SCFD1: variants seen among roughly 807,000 people sequenced by gnomAD.
SCFD1 encodes the protein sec1 family domain containing 1.
SCFD1 carries 37 observed loss-of-function variants against 103.2 expected under a neutral mutation model. The observed-to-expected ratio is 0.36, with a 90% CI of 0.28 to 0.47. The LOEUF is 0.47. SCFD1 is among the 20% of genes least tolerant of loss of function. SCFD1 has a pLI of 1.00. For synonymous variants in SCFD1, 264 were observed against 245.0 expected (o/e 1.08, Z -0.73); for missense variants, 639 against 761.2 (o/e 0.84, Z 1.89).
intron 11 of SCFD1, among the ~76,000 whole-genome samples, chr14:30,671,611 A>C (rs1191310531): frequency 6.6e-6 from 1 of 152,164 alleles, no homozygotes; most frequent in African/African-American, 2.4e-5. Context: ...CTATTCATTA[A>C]GTAGGAATAG....
intron 1 of SCFD1, among the ~76,000 whole-genome samples, chr14:30,627,774 C>T (rs1461918765): frequency 2.2e-5 from 3 of 135,606 alleles, no homozygotes; most frequent in African/African-American, 8.3e-5. Context: ...AAAAGAAAGA[C>T]TGATCTTTCT....
At chr14:30,656,015 G>A (rs796721133) in intron 10 of SCFD1, among the ~76,000 whole-genome samples, 5 of 152,090 alleles carry the variant, frequency 3.3e-5, no homozygotes, top group African/African-American at 1.2e-4. Flanking sequence ...GGAGGCTTAG[G>A]TGGGAGGATC....
chr14:30,628,268 C>T lies in SCFD1; in HGVS notation c.121C>T (p.Pro41Ser). 1 of 1,607,140 alleles carries T rather than the reference C, an allele frequency of 6.2e-7. No individual in the cohort carries two copies. Reference sequence around the variant, plus strand: ...TCATATTAAAAACAGCACAGGAGAACCAGTATGGAAGGTAAGAGTTTATCT... The same window carrying T: ...TCATATTAAAAACAGCACAGGAGAATCAGTATGGAAGGTAAGAGTTTATCT... ...VPHIKNSTGE[P>S]VWKVLIYDRF... The change falls in exon 2 of 25, where the codon CCA becomes TCA. Residue 41 changes from proline (P) to serine (S), a missense_variant. Coordinates refer to ENST00000458591, the MANE Select transcript of SCFD1 (RefSeq NM_016106.4).
chr14:30,656,210 C>T (rs967363303), intron 10 of SCFD1, among the ~76,000 whole-genome samples: 3 of 152,190 alleles, frequency 2.0e-5, no homozygotes, highest in African/African-American at 7.2e-5. Context: ...AAGTCTGGTC[C>T]TCAGCCTCCC....
At chr14:30,649,432 A>C in intron 7 of SCFD1, 96 bp from the exon 8 acceptor site, 1 of 737,700 alleles carries the variant, frequency 1.4e-6, no homozygotes, top group South Asian at 1.7e-5. Context: ...AATTGTATGT[A>C]TCTATCACAT....
chr14:30,724,243 G>GA (rs1892866249), intron 23 of SCFD1, among the ~76,000 whole-genome samples: 1 of 117,396 alleles, frequency 8.5e-6, no homozygotes, highest in African/African-American at 3.8e-5. Context: ...ACTTTTTTAT[G>GA]GGTTTTTTTT....
At chr14:30,695,871 C>A (rs1044634633) in intron 15 of SCFD1, among the ~76,000 whole-genome samples, 10 of 151,074 alleles carry the variant, frequency 6.6e-5, no homozygotes, top group South Asian at 2.1e-4. Context: ...GACCTGGTCT[C>A]AAAAACAAAC....
chr14:30,640,311 G>T (rs1455840565), intron 6 of SCFD1, among the ~76,000 whole-genome samples: 1 of 152,142 alleles, frequency 6.6e-6, no homozygotes, highest in Non-Finnish European at 1.5e-5. Context: ...TAGAGCATCT[G>T]TTCTTGTGGA....
rs540190541 is a variant in SCFD1, at chr14:30,703,391, A to G, written c.1490+1016A>G. Among the ~76,000 whole-genome samples, 5 of 150,678 alleles carry G rather than the reference A, an allele frequency of 3.3e-5. No individual in the cohort carries two copies. The East Asian group carries it at 9.7e-4, about 29-fold the overall frequency. On this transcript the variant is annotated intron_variant, in intron 17 of 24. Coordinates refer to ENST00000458591, the MANE Select transcript of SCFD1 (RefSeq NM_016106.4). ...CCTGTTTATCCATTTTTTCATCCATATGTATGTGTTCATATAAGCATACAC... is the reference window on the plus strand; with the variant it reads ...CCTGTTTATCCATTTTTTCATCCATGTGTATGTGTTCATATAAGCATACAC...
intron 10 of SCFD1, among the ~76,000 whole-genome samples, chr14:30,659,675 G>A (rs989522738): frequency 1.3e-5 from 2 of 152,182 alleles, no homozygotes; most frequent in South Asian, 2.1e-4. Context: ...TATTGCTGAT[G>A]CTGTAAAGAA....
intron 14 of SCFD1, among the ~76,000 whole-genome samples, chr14:30,677,869 C>G (rs1174263917): frequency 2.0e-5 from 2 of 101,856 alleles, no homozygotes; most frequent in African/African-American, 8.0e-5. Flanking sequence ...GAGACAGAGT[C>G]TCACTCTGTC....
intron 14 of SCFD1, among the ~76,000 whole-genome samples, chr14:30,678,590 C>T (rs905638700): frequency 3.9e-5 from 6 of 152,090 alleles, no homozygotes; most frequent in African/African-American, 1.4e-4. Flanking sequence ...TTGTAGACAG[C>T]CTGTTTTAAT....
At chr14:30,656,831 A>G (rs560999629) in intron 10 of SCFD1, among the ~76,000 whole-genome samples, 2 of 152,202 alleles carry the variant, frequency 1.3e-5, no homozygotes, top group South Asian at 4.2e-4. Context: ...GAAAGTTTAG[A>G]GAGGATGTTC....
intron 14 of SCFD1, 98 bp downstream of exon 14, chr14:30,675,163 C>CGTTACAGTGGGG (rs1423027483): frequency 1.3e-5 from 7 of 534,868 alleles, no homozygotes; most frequent in African/African-American, 2.0e-5. Flanking sequence ...ATTGAGTCCC[C>CGTTACAGTGGGG]ACTGTAACAT....
At position 30,638,080 on chromosome 14, in the gene SCFD1, G is replaced by A. The variant is rs781241455; in HGVS notation, c.313-45G>A. ...TAGTAGTTGAAACATATGTATTCAT[G>A]GTCTTCTTTATCCTATAAGAATAAA... On this transcript the variant is annotated intron_variant, in intron 4 of 24. Coordinates refer to ENST00000458591, the MANE Select transcript of SCFD1 (RefSeq NM_016106.4). The A allele has an allele frequency of 2.7e-6, 4 of 1,505,320 alleles. No individual in the cohort carries two copies. In the South Asian group the frequency reaches 5.5e-5, roughly 21 times the overall value. The allele number at this position is 1,505,320 out of a possible 1,614,324, so 93.2% of individuals were successfully genotyped here.
intron 14 of SCFD1, among the ~76,000 whole-genome samples, chr14:30,688,909 C>T (rs1890047282): frequency 1.1e-5 from 1 of 92,110 alleles, no homozygotes. Flanking sequence ...TTCCTAGTCT[C>T]GATGGTCTTT....
chr14:30,646,186 C>T (rs1339464271), intron 7 of SCFD1, among the ~76,000 whole-genome samples: 1 of 152,058 alleles, frequency 6.6e-6, no homozygotes, highest in Non-Finnish European at 1.5e-5. Context: ...CCACGCCCAG[C>T]TAATTTTTCT....
chr14:30,734,753 G>T (rs539973527), intron 23 of SCFD1, 37 bp from the exon 24 acceptor site: 1 of 1,444,008 alleles, frequency 6.9e-7, no homozygotes, highest in African/African-American at 1.4e-5. Context: ...TATATTTCTT[G>T]TTACTTGTAT....
At chr14:30,645,549 A>G (rs1019705323) in intron 7 of SCFD1, among the ~76,000 whole-genome samples, 2 of 151,982 alleles carry the variant, frequency 1.3e-5, no homozygotes, top group African/African-American at 4.8e-5. Flanking sequence ...CACCTCCCTA[A>G]TTAGCTGTAT....
Sources: gnomAD v4.1 joint callset for allele counts (sites outside exome capture counted in the v4.1 genomes callset) on GRCh38, gnomAD v4.1.1 for gene constraint, MANE v1.5 for transcripts, NCBI Gene and HGNC (gene_info 2026-07-23, HGNC 2026-07-21) for gene names.